PIK3R2: variants seen among roughly 807,000 people sequenced by gnomAD.
The protein encoded by PIK3R2 is phosphoinositide-3-kinase regulatory subunit 2, also known as phosphatidylinositol 3-kinase regulatory subunit beta.
A neutral mutation model predicts 78.5 loss-of-function variants in PIK3R2; 40 were observed. The observed-to-expected ratio is 0.51, with a 90% CI of 0.40 to 0.66. The LOEUF (loss-of-function observed/expected upper bound fraction) is 0.66, where lower values mean the gene tolerates loss of function less well. Among genes scored for constraint, PIK3R2 ranks in the 30% least tolerant of loss-of-function variants. The pLI, the probability that PIK3R2 is intolerant of heterozygous loss-of-function variation, is 0.00. For missense variants in PIK3R2, 880 were observed against 1,026.6 expected, an observed-to-expected ratio of 0.86 and a Z score of 1.95; for synonymous variants, 473 against 457.7, an observed-to-expected ratio of 1.03 and a Z score of -0.43.
At position 18,161,001 on chromosome 19, in the gene PIK3R2, G is replaced by A. The variant is rs910799080; in HGVS notation, c.466+32G>A. The stretch of plus-strand genomic sequence containing the variant: ...GGGAGCCTCAATGGGGTTGGGAGGA[G>A]GCTGGGGGCCCCAGTACACATGAGT... On this transcript the variant is annotated intron_variant, in intron 4 of 15. Coordinates refer to ENST00000222254, the MANE Select transcript of PIK3R2 (RefSeq NM_005027.4). This position sits in a 1 kb window ranked among gnomAD's most constrained non-coding sequence, Gnocchi z 5.3. 7 of 1,612,396 alleles carry A rather than the reference G, an allele frequency of 4.3e-6. No individual in the cohort carries two copies. Among genetic ancestry groups the A allele is most frequent in the Admixed American group, 1.7e-5 (1 of 59,836 alleles).
rs760953177 is a variant in PIK3R2, at chr19:18,161,374, G to A, written c.694G>A (p.Val232Met). Reference protein sequence around the residue: ...LRFLLQHLGRVASRAPALGPA... With the variant: ...LRFLLQHLGRMASRAPALGPA... The stretch of plus-strand genomic sequence containing the variant: ...CTTCCTGCTCCAGCACCTGGGCCGC[G>A]TGGCCAGCCGCGCCCCGGCCCTGGG... The change falls in exon 6 of 16, where the codon GTG becomes ATG. Residue 232 changes from valine (V) to methionine (M), a missense_variant. Coordinates refer to ENST00000222254, the MANE Select transcript of PIK3R2 (RefSeq NM_005027.4). The surrounding 1 kb of genome is among the most constrained non-coding windows in gnomAD (Gnocchi z 5.3). 77 of 1,260,774 alleles carry A rather than the reference G, an allele frequency of 6.1e-5. No individual in the cohort carries two copies. Among genetic ancestry groups the A allele is most frequent in the Non-Finnish European group, 1.7e-5 (17 of 1,004,534 alleles). 78.1% of individuals were successfully genotyped at this position (1,260,774 alleles called of 1,614,324 possible).
Position 18,170,471 on chromosome 19 carries a change from G to A in PIK3R2, c.*1177G>A, listed in dbSNP as rs913449636. ...TTGGCCACCACACTGCCTGCCCCACGAGCTGGGAGGCAGGTTTTGTACGGT... is the reference window on the plus strand; with the variant it reads ...TTGGCCACCACACTGCCTGCCCCACAAGCTGGGAGGCAGGTTTTGTACGGT... On this transcript the variant is annotated 3_prime_UTR_variant, in exon 16 of 16. Transcript: ENST00000222254. 1 of 152,124 alleles carries A rather than the reference G, an allele frequency of 6.6e-6. No homozygotes were observed. The highest frequency in any genetic ancestry group is 2.4e-5 in the African/African-American group (1 of 41,422). 9.4% of individuals were successfully genotyped at this position (152,124 alleles called of 1,614,324 possible). A position where few individuals can be genotyped will look rare whatever the true frequency, so the allele number is the denominator to read the frequency against.
chr19:18,155,862 C>T lies in PIK3R2; in HGVS notation c.-18C>T, dbSNP rs148245146. The T allele has an allele frequency of 3.9e-4, 603 of 1,531,578 alleles. 3 individuals are homozygous for T. In the East Asian group the frequency reaches 0.012, roughly 29 times the overall value. The allele number at this position is 1,531,578 out of a possible 1,614,324, so 94.9% of individuals were successfully genotyped here. ...AGCAGCCACCTAACCATCCAGACCCCACCCCACTCACGCGGCCATGGCGGG... is the reference window on the plus strand; with the variant it reads ...AGCAGCCACCTAACCATCCAGACCCTACCCCACTCACGCGGCCATGGCGGG... On this transcript the variant is annotated 5_prime_UTR_variant, in exon 2 of 16. Transcript: ENST00000222254.
At position 18,161,891 on chromosome 19, in the gene PIK3R2, G is replaced by A. The variant is rs2043751677; in HGVS notation, c.816-75G>A. 4 of 1,228,348 alleles carry A rather than the reference G, an allele frequency of 3.3e-6. No homozygotes were observed. The highest frequency in any genetic ancestry group is 1.5e-5 in the African/African-American group (1 of 67,454). 76.1% of individuals were successfully genotyped at this position (1,228,348 alleles called of 1,614,324 possible). ...CGTATATACCCCCAGGCGTGCAAGCGCACGCACAATCCTGTGCACATGCGT... is the reference window on the plus strand; with the variant it reads ...CGTATATACCCCCAGGCGTGCAAGCACACGCACAATCCTGTGCACATGCGT... On this transcript the variant is annotated intron_variant, in intron 6 of 15. Transcript: ENST00000222254. This position sits in a 1 kb window ranked among gnomAD's most constrained non-coding sequence, Gnocchi z 5.3.
intron 1 of PIK3R2, among the ~76,000 whole-genome samples, chr19:18,154,810 C>T (rs1568632458): frequency 7.6e-6 from 1 of 132,132 alleles, no homozygotes; most frequent in Admixed American, 7.5e-5. Context: ...GGCGCGGTGG[C>T]TCACACCTGT....
At position 18,163,037 on chromosome 19, in the gene PIK3R2, A is replaced by G. The variant is rs971051020; in HGVS notation, c.1180A>G (p.Thr394Ala). 1.2e-5 allele frequency: 20 copies of G among 1,613,186 alleles called. No homozygotes were observed. Among genetic ancestry groups the G allele is most frequent in the Non-Finnish European group, 1.7e-5 (20 of 1,179,818 alleles). The stretch of plus-strand genomic sequence containing the variant: ...GCACTATGGCTTCTCAGAGCCACTC[A>G]CCTTCTGCTCCGTTGTGGACCTCAT... The part of the protein sequence containing the change: ...DGHYGFSEPL[T>A]FCSVVDLINH... The change falls in exon 10 of 16, where the codon ACC (threonine) becomes GCC (alanine). Residue 394 changes from threonine (T) to alanine (A), a missense_variant. Thr to Ala is a moderately conservative substitution (Grantham distance 58). Around this residue, in one of 3 missense-constraint regions of PIK3R2, gnomAD observed 156 missense variants for 241.0 expected, o/e 0.65. Transcript: ENST00000222254.
At chr19:18,157,825 G>A (rs2043694977) in intron 2 of PIK3R2, among the ~76,000 whole-genome samples, 1 of 149,826 alleles carries the variant, frequency 6.7e-6, no homozygotes, top group African/African-American at 2.5e-5. Context: ...AGGCCCCGCA[G>A]GCCCCGGCTT....
At chr19:18,157,312 CT>C (rs919917057) in intron 2 of PIK3R2, among the ~76,000 whole-genome samples, 6 of 152,218 alleles carry the variant, frequency 3.9e-5, no homozygotes, top group African/African-American at 7.2e-5. Flanking sequence ...GCCTCTCCCC[CT>C]GGTAACAGCC....
At chr19:18,164,640 G>GTTTT (rs10629628) in intron 11 of PIK3R2, among the ~76,000 whole-genome samples, 5 of 138,558 alleles carry the variant, frequency 3.6e-5, no homozygotes, top group Admixed American at 1.5e-4. Context: ...TTTTTGTTTT[G>GTTTT]TTTTTTTTTT....
In PIK3R2 at chr19:18,168,969, G is replaced by T; in HGVS notation, c.1979+73G>T. The stretch of plus-strand genomic sequence containing the variant: ...TCATTGAATGCCTGCCGCGTGCCAG[G>T]CCTTGGGAAGGAGTCCCTGGTGGGG... On this transcript the variant is annotated intron_variant, in intron 15 of 15. Coordinates refer to ENST00000222254, the MANE Select transcript of PIK3R2 (RefSeq NM_005027.4). The surrounding 1 kb of genome is among the most constrained non-coding windows in gnomAD (Gnocchi z 4.1). The T allele has an allele frequency of 6.4e-7, 1 of 1,564,960 alleles. No homozygotes were observed. Among genetic ancestry groups the T allele is most frequent in the East Asian group, 2.3e-5 (1 of 43,228 alleles).
At chr19:18,164,090 C>T (rs561863819) in intron 11 of PIK3R2, among the ~76,000 whole-genome samples, 31 of 152,232 alleles carry the variant, frequency 2.0e-4, no homozygotes, top group South Asian at 1.2e-3. Flanking sequence ...CGTGCTACTA[C>T]ACTCCAGCCT....
In PIK3R2 at chr19:18,160,943, G is replaced by T; in HGVS notation, c.440G>T (p.Arg147Leu). 6.2e-7 allele frequency: 1 copy of T among 1,611,606 alleles called. No homozygotes were observed. Among genetic ancestry groups the T allele is most frequent in the Non-Finnish European group, 8.5e-7 (1 of 1,179,364 alleles). ...RTGLDSESHY[R>L]PELPAPRTDW... ...GGGCTGGACAGCGAATCTCACTACC[G>T]CCCGGAGCTGCCCGCACCGCGTACA... Residue 147 changes from arginine (R) to leucine (L), a missense_variant, in exon 4 of 16, where the codon CGC becomes CTC. Arg to Leu is a moderately radical substitution (Grantham distance 102, BLOSUM62 -2). Coordinates refer to ENST00000222254, the MANE Select transcript of PIK3R2 (RefSeq NM_005027.4).
In PIK3R2 at chr19:18,156,127, T is replaced by TGGCCC. The variant is rs778790424; in HGVS notation, c.259_263dup (p.Arg89AlafsTer43). ...GTGGAGTTCCTGGGGCCCGTGGCCC[T>TGGCCC]GGCCCGGCCCGGCCCTCGCCCACGG... On this transcript the variant is annotated frameshift_variant, in exon 2 of 16. Coordinates refer to ENST00000222254, the MANE Select transcript of PIK3R2 (RefSeq NM_005027.4). LOFTEE classifies it high-confidence loss of function. This position sits in a 1 kb window ranked among gnomAD's most constrained non-coding sequence, Gnocchi z 4.2. 3.3e-6 allele frequency: 5 copies of TGGCCC among 1,521,460 alleles called. No homozygotes were observed. Among genetic ancestry groups the TGGCCC allele is most frequent in the Non-Finnish European group, 1.8e-6 (2 of 1,135,998 alleles). The allele number at this position is 1,521,460 out of a possible 1,614,324, so 94.2% of individuals were successfully genotyped here.
chr19:18,154,547 C>T (rs552645949), intron 1 of PIK3R2, among the ~76,000 whole-genome samples: 8 of 152,216 alleles, frequency 5.3e-5, no homozygotes, highest in African/African-American at 1.9e-4. Context: ...TGTTCCCTAC[C>T]TCTTAGTTCA....
chr19:18,161,889 G>A lies in PIK3R2; in HGVS notation c.816-77G>A. The A allele has an allele frequency of 1.7e-6, 2 of 1,189,186 alleles. No individual in the cohort carries two copies. The highest frequency in any genetic ancestry group is 2.5e-6 in the Non-Finnish European group (2 of 797,226). 73.7% of individuals were successfully genotyped at this position (1,189,186 alleles called of 1,614,324 possible). ...CTCGTATATACCCCCAGGCGTGCAA[G>A]CGCACGCACAATCCTGTGCACATGC... is the stretch of plus-strand genomic sequence containing the variant. On this transcript the variant is annotated intron_variant, in intron 6 of 15. Transcript: ENST00000222254. This position sits in a 1 kb window ranked among gnomAD's most constrained non-coding sequence, Gnocchi z 5.3.
Position 18,169,205 on chromosome 19 carries a change from T to G in PIK3R2, c.2098T>G (p.Ser700Ala). ...GCTGGTGCTGCACTACCAGCACGCC[T>G]CGCTGGTGCAGCACAACGACGCGCT... Reference protein sequence around the residue: ...KELVLHYQHASLVQHNDALTV... With the variant: ...KELVLHYQHAALVQHNDALTV... The change falls in exon 16 of 16, where the codon TCG becomes GCG. Residue 700 changes from serine to alanine, a missense_variant. Ser to Ala is a moderately conservative substitution (Grantham distance 99). This residue lies in a region of PIK3R2 where 268 missense variants were observed against 299.1 expected (regional missense o/e 0.90). Transcript: ENST00000222254. The G allele has an allele frequency of 6.2e-7, 1 of 1,606,164 alleles. No individual in the cohort carries two copies. Among genetic ancestry groups the G allele is most frequent in the South Asian group, 1.1e-5 (1 of 91,004 alleles).
Position 18,163,104 on chromosome 19 carries a change from A to G in PIK3R2, c.1247A>G (p.Lys416Arg), listed in dbSNP as rs2147953276. The G allele has an allele frequency of 1.2e-6, 2 of 1,613,926 alleles. No individual in the cohort carries two copies. The highest frequency in any genetic ancestry group is 1.7e-6 in the Non-Finnish European group (2 of 1,179,994). ...GAGTCTCTGGCCCAGTACAATGCCAAGCTGGACACACGGCTCCTCTACCCT... is the reference window on the plus strand; with the variant it reads ...GAGTCTCTGGCCCAGTACAATGCCAGGCTGGACACACGGCTCCTCTACCCT... Reference protein sequence around the residue: ...RHESLAQYNAKLDTRLLYPVS... With the variant: ...RHESLAQYNARLDTRLLYPVS... The change falls in exon 10 of 16, where the codon AAG becomes AGG. Residue 416 changes from lysine to arginine, a missense_variant. By Grantham distance (26) the Lys-to-Arg change is conservative. Transcript: ENST00000222254.
At chr19:18,165,119 C>A (rs538013117) in intron 11 of PIK3R2, among the ~76,000 whole-genome samples, 79 of 151,306 alleles carry the variant, frequency 5.2e-4, no homozygotes, top group African/African-American at 1.8e-3. Flanking sequence ...CCTGTAATCC[C>A]AGCACTTTGG....
Position 18,160,622 on chromosome 19 carries a change from G to A in PIK3R2, c.415+59G>A, listed in dbSNP as rs780071372. On this transcript the variant is annotated intron_variant, in intron 3 of 15. Coordinates refer to ENST00000222254, the MANE Select transcript of PIK3R2 (RefSeq NM_005027.4). ...TGCTTGCTTACCTCTAGTGACAGGC[G>A]ACTCATCCTCTCACAGGGCCTCCAA... The A allele has an allele frequency of 7.6e-6, 10 of 1,322,142 alleles. 1 individual carries two copies. The highest frequency in any genetic ancestry group is 1.9e-5 in the Admixed American group (1 of 53,976). 81.9% of individuals were successfully genotyped at this position (1,322,142 alleles called of 1,614,324 possible).
Sources: gnomAD v4.1 joint callset for allele counts (sites outside exome capture counted in the v4.1 genomes callset) on GRCh38, gnomAD v4.1.1 for gene constraint, gnomAD v4.1.1 regional missense constraint, Gnocchi (gnomAD v3.1) non-coding constraint, MANE v1.5 for transcripts, NCBI Gene and HGNC (gene_info 2026-07-23, HGNC 2026-07-21) for gene names.